PPP2R2B: variants seen among roughly 807,000 people sequenced by gnomAD.
The protein encoded by PPP2R2B is protein phosphatase 2 regulatory subunit Bbeta.
In PPP2R2B, 5 loss-of-function variants were observed where a neutral mutation model predicts 46.0. That is an observed-to-expected ratio of 0.11 (90% CI 0.06 to 0.23). PPP2R2B has a LOEUF of 0.23. Ranked by LOEUF, PPP2R2B falls within the 10% of genes least tolerant of loss-of-function variation. PPP2R2B has a pLI of 1.00. For missense variants in PPP2R2B, 367 were observed against 575.0 expected, an observed-to-expected ratio of 0.64 and a Z score of 3.70; for synonymous variants, 215 against 206.7, an observed-to-expected ratio of 1.04 and a Z score of -0.34.
At chr5:146,818,078 G>A (rs1354167846) in intron 2 of PPP2R2B, among the ~76,000 whole-genome samples, 1 of 152,154 alleles carries the variant, frequency 6.6e-6, no homozygotes, top group Admixed American at 6.5e-5. Flanking sequence ...GATCTTGTAA[G>A]ACTGGGTCAG....
chr5:146,763,912 G>A (rs886404616), intron 2 of PPP2R2B, among the ~76,000 whole-genome samples: 1 of 152,096 alleles, frequency 6.6e-6, no homozygotes, highest in African/African-American at 2.4e-5. Context: ...ATTTTTTGTA[G>A]AGGGGGGTCT....
At chr5:147,056,593 T>G (rs1263623977), upstream of PPP2R2B, among the ~76,000 whole-genome samples, 3 of 152,054 alleles carry the variant, frequency 2.0e-5, no homozygotes, top group African/African-American at 7.2e-5. Flanking sequence ...CCTGATGGCA[T>G]TAAAAAACAT....
intron 1 of PPP2R2B, chr5:147,054,624 A>T (rs1316787197): frequency 2.2e-6 from 1 of 456,138 alleles, no homozygotes; most frequent in Non-Finnish European, 4.4e-6. Flanking sequence ...AGCTTCCTTC[A>T]TTATAAACAC....
chr5:147,038,823 T>C (rs925697533), intron 1 of PPP2R2B, among the ~76,000 whole-genome samples: 7 of 152,290 alleles, frequency 4.6e-5, no homozygotes, highest in Admixed American at 3.9e-4. Context: ...ACCCAGGTGG[T>C]CTGATCTAGG....
chr5:146,635,153 T>C (rs1774724522), intron 7 of PPP2R2B, among the ~76,000 whole-genome samples: 1 of 152,168 alleles, frequency 6.6e-6, no homozygotes, highest in Admixed American at 6.5e-5. Context: ...TTAATATTTC[T>C]ACTTTCAAAT....
At chr5:146,983,854 T>C (rs969747528) in intron 1 of PPP2R2B, among the ~76,000 whole-genome samples, 1 of 152,068 alleles carries the variant, frequency 6.6e-6, no homozygotes, top group Non-Finnish European at 1.5e-5. Flanking sequence ...GGATTTCTTT[T>C]AATCATTCCT....
chr5:146,935,075 A>C (rs1764097387), intron 1 of PPP2R2B, among the ~76,000 whole-genome samples: 1 of 152,198 alleles, frequency 6.6e-6, no homozygotes, highest in Non-Finnish European at 1.5e-5. Context: ...AGTAAATCAG[A>C]CAGACTTAGA....
At chr5:147,076,278 C>T (rs1369079702) in intron 2 of PPP2R2B, among the ~76,000 whole-genome samples, 2 of 151,848 alleles carry the variant, frequency 1.3e-5, no homozygotes, top group Non-Finnish European at 2.9e-5. Flanking sequence ...CATCAATTTA[C>T]AAAATAGTAT....
intron 1 of PPP2R2B, among the ~76,000 whole-genome samples, chr5:147,010,940 C>T (rs752166843): frequency 7.2e-5 from 11 of 152,142 alleles, no homozygotes; most frequent in Admixed American, 1.3e-4. Flanking sequence ...ACACAGAAGC[C>T]GGGGTTATCC....
At chr5:147,058,117 C>T (rs1273694883), upstream of PPP2R2B, among the ~76,000 whole-genome samples, 1 of 152,168 alleles carries the variant, frequency 6.6e-6, no homozygotes, top group African/African-American at 2.4e-5. Flanking sequence ...TACTGCCTCA[C>T]CTAGTGCCTG....
chr5:146,813,337 G>C (rs747013120), intron 2 of PPP2R2B, among the ~76,000 whole-genome samples: 18 of 151,820 alleles, frequency 1.2e-4, no homozygotes, highest in Non-Finnish European at 1.9e-4. Flanking sequence ...GCATATTTTT[G>C]AAAATGTCAC....
Position 146,589,908 on chromosome 5 carries a change from T to G in PPP2R2B, c.*39A>C, listed in dbSNP as rs1460965242. 6.3e-6 allele frequency: 10 copies of G among 1,581,534 alleles called. No individual in the cohort carries two copies. The highest frequency in any genetic ancestry group is 8.7e-6 in the Non-Finnish European group (10 of 1,154,288). ...AACATTTAAAAACTTGTTTGACTAG[T>G]ATTCAGTATGTGAGATTATTAAGTA... On this transcript the variant is annotated 3_prime_UTR_variant, in exon 10 of 10. Coordinates refer to ENST00000394411, the MANE Select transcript of PPP2R2B (RefSeq NM_181675.4).
chr5:146,589,965 G>A lies in PPP2R2B; in HGVS notation c.1314C>T (p.Phe438=). The A allele has an allele frequency of 6.2e-7, 1 of 1,613,700 alleles. No homozygotes were observed. Among genetic ancestry groups the A allele is most frequent in the South Asian group, 1.1e-5 (1 of 91,068 alleles). ...AVAATNNLYI[F]QDKVN ...TGTCCACCTAGTTAACCTTGTCCTGGAATATATATAGGTTATTTGTAGCCG... is the reference window on the plus strand; with the variant it reads ...TGTCCACCTAGTTAACCTTGTCCTGAAATATATATAGGTTATTTGTAGCCG... The change falls in exon 10 of 10, where the codon TTC becomes TTT. Residue 438 remains phenylalanine (F), a synonymous_variant. Transcript: ENST00000394411.
intron 7 of PPP2R2B, among the ~76,000 whole-genome samples, chr5:146,606,565 A>G (rs932792080): frequency 6.6e-6 from 1 of 152,238 alleles, no homozygotes; most frequent in East Asian, 1.9e-4. Flanking sequence ...CACTTAGCAA[A>G]GCGTCTGTAC....
At chr5:146,849,245 G>A (rs1411463791) in intron 2 of PPP2R2B, among the ~76,000 whole-genome samples, 1 of 152,146 alleles carries the variant, frequency 6.6e-6, no homozygotes, top group Non-Finnish European at 1.5e-5. Context: ...AGAAATATAT[G>A]TGTGCATATA....
intron 1 of PPP2R2B, among the ~76,000 whole-genome samples, chr5:146,986,457 G>A (rs766415076): frequency 1.9e-4 from 29 of 152,022 alleles, no homozygotes; most frequent in African/African-American, 2.7e-4. Flanking sequence ...AAATTGCAGC[G>A]GAAGGCAAAT....
At chr5:147,012,469 T>C (rs2079086001) in intron 1 of PPP2R2B, among the ~76,000 whole-genome samples, 1 of 152,158 alleles carries the variant, frequency 6.6e-6, no homozygotes, top group Non-Finnish European at 1.5e-5. Context: ...TCTTCTCTCT[T>C]TTTTTCTTTA....
chr5:146,634,334 T>C (rs1774648137), intron 7 of PPP2R2B, among the ~76,000 whole-genome samples: 1 of 151,946 alleles, frequency 6.6e-6, no homozygotes, highest in Non-Finnish European at 1.5e-5. Context: ...GCCTGAGGGT[T>C]TTGTTTATTT....
At chr5:146,827,498 A>C (rs995577088) in intron 2 of PPP2R2B, among the ~76,000 whole-genome samples, 2 of 152,234 alleles carry the variant, frequency 1.3e-5, no homozygotes, top group Non-Finnish European at 2.9e-5. Context: ...GCTGAGAAGA[A>C]ATTTGCATGA....
Sources: allele counts gnomAD v4.1 joint callset (sites outside exome capture counted in the v4.1 genomes callset), GRCh38; gene constraint gnomAD v4.1.1; transcripts MANE v1.5; gene names NCBI Gene and HGNC (gene_info 2026-07-23, HGNC 2026-07-21).